SNX16: variants seen among roughly 807,000 people sequenced by gnomAD.
The protein encoded by SNX16 is sorting nexin 16, also known as sorting nexin-16.
Under a neutral mutation model 36.7 loss-of-function variants are expected in SNX16, and 35 were observed. That is an observed-to-expected ratio of 0.95 (90% confidence interval 0.73 to 1.27). The LOEUF (loss-of-function observed/expected upper bound fraction) is 1.27. SNX16 is among the 50% of genes most tolerant of loss of function. SNX16 has a pLI of 0.00. For missense variants in SNX16, 367 were observed against 393.6 expected (o/e 0.93, Z 0.57); for synonymous variants, 134 against 132.0 (o/e 1.02, Z -0.10).
intron 5 of SNX16, chr8:81,808,210 G>A: frequency 3.0e-6 from 4 of 1,326,016 alleles, no homozygotes; most frequent in South Asian, 2.4e-5. Context: ...CAAGAAAAGG[G>A]GCTTTGCCTT....
chr8:81,809,541 G>A (rs563079970), intron 5 of SNX16, among the ~76,000 whole-genome samples: 1 of 152,074 alleles, frequency 6.6e-6, no homozygotes. Flanking sequence ...AAGAACAAGA[G>A]CCATAGAAAA....
In SNX16 at chr8:81,829,433, G is replaced by A; in HGVS notation, c.459C>T (p.Asp153=). 5 of 1,365,182 alleles carry A rather than the reference G, an allele frequency of 3.7e-6. No homozygotes were observed. In the South Asian group the frequency reaches 5.5e-5, roughly 15 times the overall value. 84.6% of individuals were successfully genotyped at this position (1,365,182 alleles called of 1,614,324 possible). A position where few individuals can be genotyped will look rare whatever the true frequency, so the allele number is the denominator to read the frequency against. The part of the protein sequence containing the change: ...RRYTDFSRLN[D]KLKEMFPGFR... ...TTGGATTTATTATAGTACTTACTTTGTCATTAAGCCTAGAGAAGTCAGTGT... is the reference window on the plus strand; with the variant it reads ...TTGGATTTATTATAGTACTTACTTTATCATTAAGCCTAGAGAAGTCAGTGT... Residue 153 remains aspartate, a synonymous_variant, in exon 3 of 8, where the codon GAC becomes GAT. Coordinates refer to ENST00000345957, the MANE Select transcript of SNX16 (RefSeq NM_152836.3).
At chr8:81,829,962 A>G (rs1811179248) in intron 2 of SNX16, among the ~76,000 whole-genome samples, 1 of 152,172 alleles carries the variant, frequency 6.6e-6, no homozygotes, top group Non-Finnish European at 1.5e-5. Flanking sequence ...AGCCAAAGCA[A>G]TCAGGCAAGA....
At chr8:81,819,604 C>T (rs1810642349) in intron 4 of SNX16, among the ~76,000 whole-genome samples, 1 of 151,886 alleles carries the variant, frequency 6.6e-6, no homozygotes, top group Non-Finnish European at 1.5e-5. Flanking sequence ...GGGGGTATGT[C>T]TTCTTTCTAT....
At position 81,803,209 on chromosome 8, in the gene SNX16, T is replaced by C. The variant is rs200338079; in HGVS notation, c.701A>G (p.Glu234Gly). 131 of 1,603,520 alleles carry C rather than the reference T, an allele frequency of 8.2e-5. No individual in the cohort carries two copies. Among genetic ancestry groups the C allele is most frequent in the Non-Finnish European group, 1.1e-4 (131 of 1,176,786 alleles). ...EESRAFCETLEETNYRLQKEL... is the reference protein window; with the variant it reads ...EESRAFCETLGETNYRLQKEL... Reference sequence around the variant, plus strand: ...TTTCTGTAAGCGGTAGTTTGTCTCTTCTAAAGTTTCACAGAATGCCTTAAA... The same window carrying C: ...TTTCTGTAAGCGGTAGTTTGTCTCTCCTAAAGTTTCACAGAATGCCTTAAA... The change falls in exon 6 of 8, where the codon GAA becomes GGA. Residue 234 changes from glutamate to glycine, a missense_variant. By Grantham distance (98) the Glu-to-Gly change is moderately conservative. Transcript: ENST00000345957.
chr8:81,825,156 G>A (rs576933438), intron 3 of SNX16, among the ~76,000 whole-genome samples: 59 of 152,122 alleles, frequency 3.9e-4, no homozygotes, highest in Non-Finnish European at 5.1e-4. Flanking sequence ...TTGAGTAGTC[G>A]CAAGACCATC....
intron 3 of SNX16, among the ~76,000 whole-genome samples, chr8:81,828,336 T>A (rs138407035): frequency 3.6e-4 from 55 of 152,302 alleles, no homozygotes; most frequent in South Asian, 1.0e-3. Context: ...ATCTGTCAGC[T>A]TGACAGGTGA....
intron 5 of SNX16, among the ~76,000 whole-genome samples, chr8:81,804,473 C>A (rs910112086): frequency 5.9e-5 from 9 of 151,640 alleles, no homozygotes; most frequent in Non-Finnish European, 1.3e-4. Flanking sequence ...AAATAAAAGA[C>A]AATGACTACA....
intron 3 of SNX16, among the ~76,000 whole-genome samples, chr8:81,824,557 G>C (rs1452359708): frequency 6.6e-6 from 1 of 151,786 alleles, no homozygotes. Flanking sequence ...CTTACTCCAA[G>C]GCTGTAAAGA....
chr8:81,807,792 T>C (rs1322164807), intron 5 of SNX16: 1 of 732,758 alleles, frequency 1.4e-6, no homozygotes, highest in South Asian at 1.5e-5. Flanking sequence ...CAGAGTCTCC[T>C]AAAGAGCCCA....
At chr8:81,820,256 T>TA (rs199512636) in intron 4 of SNX16, among the ~76,000 whole-genome samples, 12,375 of 152,030 alleles carry the variant, frequency 0.081, 638 homozygotes, top group African/African-American at 0.13. Context: ...TTTTTAATTG[T>TA]AAAAAATGAG....
At chr8:81,808,549 A>G (rs1810077608) in intron 5 of SNX16, 3 of 1,000,360 alleles carry the variant, frequency 3.0e-6, no homozygotes, top group Non-Finnish European at 4.7e-6. Flanking sequence ...GGTGGAAGCT[A>G]CAATGATTTT....
intron 2 of SNX16, among the ~76,000 whole-genome samples, chr8:81,835,273 C>A (rs1055767110): frequency 6.6e-6 from 1 of 152,206 alleles, no homozygotes; most frequent in African/African-American, 2.4e-5. Context: ...GCCCAGTCCA[C>A]AAAACCACGT....
chr8:81,817,811 C>G (rs1031744966), intron 4 of SNX16, among the ~76,000 whole-genome samples: 1 of 152,140 alleles, frequency 6.6e-6, no homozygotes, highest in African/African-American at 2.4e-5. Context: ...GAAACCCTCA[C>G]CCTTGCTTGA....
chr8:81,841,900 G>A (rs2130789659), intron 1 of SNX16: 1 of 152,282 alleles, frequency 6.6e-6, no homozygotes, highest in African/African-American at 2.4e-5. Context: ...CAGCTCCCTG[G>A]GATCACAGAC....
At chr8:81,840,760 C>T (rs771373812) in intron 1 of SNX16, among the ~76,000 whole-genome samples, 7 of 152,190 alleles carry the variant, frequency 4.6e-5, no homozygotes, top group Non-Finnish European at 8.8e-5. Context: ...ATCACTAATT[C>T]TGCTCTACGA....
At chr8:81,822,157 GGTGGTGGTGGTA>G (rs1189886979) in intron 4 of SNX16, among the ~76,000 whole-genome samples, 1 of 152,042 alleles carries the variant, frequency 6.6e-6, no homozygotes, top group African/African-American at 2.4e-5. Flanking sequence ...CCTAGTGTTT[GGTGGTGGTGGTA>G]GTGGTGGTGA....
At chr8:81,806,283 T>C (rs1809941033) in intron 5 of SNX16, among the ~76,000 whole-genome samples, 1 of 152,100 alleles carries the variant, frequency 6.6e-6, no homozygotes, top group African/African-American at 2.4e-5. Flanking sequence ...AAATTCTAAA[T>C]AAAATCATTA....
At position 81,799,794 on chromosome 8, in the gene SNX16, T is replaced by C. The variant is rs1284654809; in HGVS notation, c.*1703A>G. On this transcript the variant is annotated 3_prime_UTR_variant, in exon 8 of 8. Coordinates refer to ENST00000345957, the MANE Select transcript of SNX16 (RefSeq NM_152836.3). Reference sequence around the variant, plus strand: ...GCTTTAGAACAGACAGGCAACACTATAATATCTAGAATTTGGCAAAGATCT... The same window carrying C: ...GCTTTAGAACAGACAGGCAACACTACAATATCTAGAATTTGGCAAAGATCT... The C allele has an allele frequency of 1.3e-5, 2 of 151,966 alleles. No individual in the cohort carries two copies. Among genetic ancestry groups the C allele is most frequent in the Non-Finnish European group, 2.9e-5 (2 of 67,842 alleles). The allele number at this position is 151,966 out of a possible 1,614,324, so 9.4% of individuals were successfully genotyped here. A position where few individuals can be genotyped will look rare whatever the true frequency, so the allele number is the denominator to read the frequency against.
Sources: allele counts gnomAD v4.1 joint callset (sites outside exome capture counted in the v4.1 genomes callset), GRCh38; gene constraint gnomAD v4.1.1; transcripts MANE v1.5; gene names NCBI Gene and HGNC (gene_info 2026-07-23, HGNC 2026-07-21).